LYPLAL1: variants seen among roughly 807,000 people sequenced by gnomAD.
The protein encoded by LYPLAL1 is lysophospholipase like 1, also known as lysophospholipase-like protein 1.
A neutral mutation model predicts 19.7 loss-of-function variants in LYPLAL1; 23 were observed. The observed-to-expected ratio is 1.17, with a 90% CI of 0.84 to 1.65. The LOEUF is 1.65. LYPLAL1 is among the 40% of genes most tolerant of loss of function. The pLI is 0.00. For missense variants in LYPLAL1, 355 were observed against 279.4 expected, an observed-to-expected ratio of 1.27 and a Z score of -1.93; for synonymous variants, 119 against 96.3, an observed-to-expected ratio of 1.24 and a Z score of -1.38.
At chr1:219,351,962 T>C in the LYPLAL1 span, among the ~76,000 whole-genome samples, 1 of 152,244 alleles carries the variant, frequency 6.6e-6, no homozygotes, top group Non-Finnish European at 1.5e-5. Flanking sequence ...CAGGGCTTTG[T>C]AACTTCTAAT....
chr1:219,438,989 TATATA>T, the LYPLAL1 span, among the ~76,000 whole-genome samples: 4 of 152,220 alleles, frequency 2.6e-5, no homozygotes, highest in African/African-American at 9.6e-5. Flanking sequence ...GCCTACCTGA[TATATA>T]AGATGTTTCA....
the LYPLAL1 span, among the ~76,000 whole-genome samples, chr1:219,335,817 A>T: frequency 2.0e-5 from 3 of 151,972 alleles, no homozygotes; most frequent in African/African-American, 7.2e-5. Flanking sequence ...CACAAAGCTT[A>T]TGAGAGAGAC....
the LYPLAL1 span, among the ~76,000 whole-genome samples, chr1:219,422,804 C>T: frequency 5.3e-5 from 8 of 152,158 alleles, no homozygotes; most frequent in African/African-American, 1.9e-4. Context: ...GATCTTGCTA[C>T]TCAGACTTCT....
At chr1:219,385,989 A>G in the LYPLAL1 span, among the ~76,000 whole-genome samples, 1 of 152,164 alleles carries the variant, frequency 6.6e-6, no homozygotes, top group Non-Finnish European at 1.5e-5. Context: ...CCTCCAAACT[A>G]TCACCTGTGT....
At chr1:219,396,076 C>T in the LYPLAL1 span, among the ~76,000 whole-genome samples, 1 of 146,984 alleles carries the variant, frequency 6.8e-6, no homozygotes, top group Non-Finnish European at 1.5e-5. Flanking sequence ...GTACTCTAGC[C>T]TGGGTGACAG....
At chr1:219,248,256 C>T in the LYPLAL1 span, among the ~76,000 whole-genome samples, 3 of 152,094 alleles carry the variant, frequency 2.0e-5, no homozygotes, top group Non-Finnish European at 4.4e-5. Context: ...AAATATATCA[C>T]TTTATAATAA....
At chr1:219,432,653 A>G in the LYPLAL1 span, among the ~76,000 whole-genome samples, 1 of 152,234 alleles carries the variant, frequency 6.6e-6, no homozygotes, top group Admixed American at 6.5e-5. Flanking sequence ...ACAGGGAATC[A>G]GAGGGTCTCC....
the LYPLAL1 span, among the ~76,000 whole-genome samples, chr1:219,284,199 A>G: frequency 6.6e-6 from 1 of 152,172 alleles, no homozygotes; most frequent in Admixed American, 6.5e-5. Flanking sequence ...GCCATGCAGA[A>G]CTGTGAGTCA....
chr1:219,210,791 C>A, intron 4 of LYPLAL1, 144 bp downstream of exon 4: 1 of 681,710 alleles, frequency 1.5e-6, no homozygotes, highest in Non-Finnish European at 2.3e-6. Context: ...AATTCATGGC[C>A]AAATGAGTCG....
At chr1:219,352,168 GATTTTAC>G in the LYPLAL1 span, among the ~76,000 whole-genome samples, 1 of 152,176 alleles carries the variant, frequency 6.6e-6, no homozygotes, top group Non-Finnish European at 1.5e-5. Flanking sequence ...ATTTCCAACT[GATTTTAC>G]TTAGCTCAGT....
At chr1:219,430,946 G>T in the LYPLAL1 span, among the ~76,000 whole-genome samples, 10 of 151,342 alleles carry the variant, frequency 6.6e-5, no homozygotes, top group African/African-American at 9.7e-5. Context: ...CGAAGTGTGG[G>T]GATTACAGAC....
the LYPLAL1 span, among the ~76,000 whole-genome samples, chr1:219,289,213 G>C: frequency 6.6e-6 from 1 of 151,762 alleles, no homozygotes; most frequent in East Asian, 1.9e-4. Flanking sequence ...ATAAGTATCA[G>C]AGTACATGCT....
the LYPLAL1 span, among the ~76,000 whole-genome samples, chr1:219,245,069 GCCTT>G: frequency 3.2e-5 from 4 of 124,350 alleles, no homozygotes; most frequent in African/African-American, 9.3e-5. Flanking sequence ...CTCCTTTCCT[GCCTT>G]CCTTCCTCTT....
chr1:219,408,812 A>G, the LYPLAL1 span, among the ~76,000 whole-genome samples: 4 of 152,206 alleles, frequency 2.6e-5, no homozygotes, highest in Non-Finnish European at 5.9e-5. Flanking sequence ...GTGTATATGA[A>G]AAACAGTGAG....
the LYPLAL1 span, among the ~76,000 whole-genome samples, chr1:219,390,607 A>G: frequency 6.6e-6 from 1 of 152,216 alleles, no homozygotes; most frequent in Non-Finnish European, 1.5e-5. Flanking sequence ...GATCCCGTTC[A>G]GCATCAAGAG....
chr1:219,398,941 T>C, the LYPLAL1 span, among the ~76,000 whole-genome samples: 2 of 152,180 alleles, frequency 1.3e-5, no homozygotes, highest in African/African-American at 4.8e-5. Flanking sequence ...CCTGAGGTGC[T>C]CCCAGACTGC....
the LYPLAL1 span, among the ~76,000 whole-genome samples, chr1:219,334,738 G>A: frequency 6.6e-6 from 1 of 151,832 alleles, no homozygotes; most frequent in Non-Finnish European, 1.5e-5. Context: ...TTAAAGTTTT[G>A]TATTGTGTAC....
the LYPLAL1 span, among the ~76,000 whole-genome samples, chr1:219,414,542 T>C: frequency 2.0e-5 from 3 of 152,240 alleles, no homozygotes; most frequent in Non-Finnish European, 4.4e-5. Context: ...AAGAAAGTGA[T>C]CAATAAGTCA....
At chr1:219,243,349 C>G in the LYPLAL1 span, among the ~76,000 whole-genome samples, 1 of 151,956 alleles carries the variant, frequency 6.6e-6, no homozygotes, top group African/African-American at 2.4e-5. Flanking sequence ...CTCCAGAAAT[C>G]AATTTTAATC....
Sources: allele counts gnomAD v4.1 joint callset (sites outside exome capture counted in the v4.1 genomes callset), GRCh38; gene constraint gnomAD v4.1.1; transcripts MANE v1.5; gene names NCBI Gene and HGNC (gene_info 2026-07-23, HGNC 2026-07-21).